The following GRM8 variants were observed in gnomAD, a reference collection of about 807,000 sequenced individuals.
GRM8 encodes the protein glutamate metabotropic receptor 8, also known as metabotropic glutamate receptor 8.
In GRM8, 47 loss-of-function variants were observed where a neutral mutation model predicts 87.2. The ratio of observed to expected loss-of-function variants is 0.54; its 90% CI spans 0.43 to 0.69. The LOEUF (loss-of-function observed/expected upper bound fraction) is 0.69, where lower values mean the gene tolerates loss of function less well. Ranked by LOEUF, GRM8 falls within the 30% of genes least tolerant of loss-of-function variation. GRM8 has a pLI of 0.00. For missense variants in GRM8, 1,019 were observed against 1,139.2 expected (o/e 0.89, Z 1.52); for synonymous variants, 396 against 404.5 (o/e 0.98, Z 0.25).
chr7:126,619,791 A>C (rs2151136227), intron 7 of GRM8, among the ~76,000 whole-genome samples: 1 of 152,164 alleles, frequency 6.6e-6, no homozygotes, highest in East Asian at 1.9e-4. Flanking sequence ...CCTAGGATCG[A>C]GGGATCCTCC....
intron 3 of GRM8, among the ~76,000 whole-genome samples, chr7:127,010,034 G>T (rs2132101198): frequency 6.6e-6 from 1 of 151,928 alleles, no homozygotes; most frequent in Admixed American, 6.6e-5. Context: ...GTAGTGTCAG[G>T]GTTTCACCAT....
chr7:126,727,406 C>A (rs1390369577), intron 7 of GRM8, among the ~76,000 whole-genome samples: 1 of 151,932 alleles, frequency 6.6e-6, no homozygotes, highest in African/African-American at 2.4e-5. Flanking sequence ...TAGTATATGA[C>A]TACATGGGAA....
intron 3 of GRM8, among the ~76,000 whole-genome samples, chr7:127,057,569 T>C (rs1474564402): frequency 6.6e-6 from 1 of 152,150 alleles, no homozygotes; most frequent in African/African-American, 2.4e-5. Context: ...GTAAAACATA[T>C]TTGAAAATCA....
chr7:126,905,103 T>C (rs1366859036), intron 3 of GRM8, among the ~76,000 whole-genome samples: 5 of 152,218 alleles, frequency 3.3e-5, no homozygotes, highest in Admixed American at 2.6e-4. Flanking sequence ...GTTACTTTTA[T>C]TTACTGGTAG....
Position 126,678,067 on chromosome 7 carries a change from A to G in GRM8, c.1358-68569T>C, listed in dbSNP as rs1010358316. ...GGTGTTCGCTTAGTGCAGATCAATTAAGCTTTAAATCAATGTTTTGTTCAA... is the reference window on the plus strand; with the variant it reads ...GGTGTTCGCTTAGTGCAGATCAATTGAGCTTTAAATCAATGTTTTGTTCAA... On this transcript the variant is annotated intron_variant, in intron 7 of 10. Coordinates refer to ENST00000339582, the MANE Select transcript of GRM8 (RefSeq NM_000845.3). Among the ~76,000 whole-genome samples, 4 of 152,318 alleles carry G rather than the reference A, an allele frequency of 2.6e-5. No individual in the cohort carries two copies. The East Asian group carries it at 5.8e-4, about 22-fold the overall frequency.
chr7:126,686,976 T>C (rs1409590607), intron 7 of GRM8, among the ~76,000 whole-genome samples: 1 of 152,264 alleles, frequency 6.6e-6, no homozygotes, highest in Non-Finnish European at 1.5e-5. Flanking sequence ...TCCAGTAGCT[T>C]GCGTCTACCA....
intron 7 of GRM8, among the ~76,000 whole-genome samples, chr7:126,643,221 G>A (rs1331274556): frequency 2.8e-5 from 4 of 145,172 alleles, no homozygotes; most frequent in Non-Finnish European, 4.5e-5. Flanking sequence ...GCCCCATGGG[G>A]CAGAAGTTTC....
intron 9 of GRM8, among the ~76,000 whole-genome samples, chr7:126,448,118 A>G (rs1332732306): frequency 2.0e-5 from 3 of 151,916 alleles, no homozygotes; most frequent in African/African-American, 7.2e-5. Flanking sequence ...CCTACATAGA[A>G]AATTGACTGC....
intron 3 of GRM8, among the ~76,000 whole-genome samples, chr7:126,909,331 C>CA (rs1462464152): frequency 6.6e-6 from 1 of 151,906 alleles, no homozygotes; most frequent in African/African-American, 2.4e-5. Context: ...GTTTTCCATA[C>CA]AATACTCCAC....
chr7:126,679,349 G>A (rs1807305083), intron 7 of GRM8, among the ~76,000 whole-genome samples: 1 of 152,122 alleles, frequency 6.6e-6, no homozygotes, highest in African/African-American at 2.4e-5. Context: ...ATAATTAAAA[G>A]CTAGAATTTC....
chr7:126,673,699 A>G (rs1239067825), intron 7 of GRM8, among the ~76,000 whole-genome samples: 1 of 152,210 alleles, frequency 6.6e-6, no homozygotes, highest in Non-Finnish European at 1.5e-5. Flanking sequence ...AATAACTGAT[A>G]ACTTTTTAGT....
intron 6 of GRM8, among the ~76,000 whole-genome samples, chr7:126,892,041 A>AAG (rs902475908): frequency 6.6e-6 from 1 of 150,986 alleles, no homozygotes; most frequent in Non-Finnish European, 1.5e-5. Flanking sequence ...AAAAAAAAAA[A>AAG]AACCCTAATA....
intron 3 of GRM8, among the ~76,000 whole-genome samples, chr7:127,025,454 T>A (rs1816688315): frequency 6.6e-6 from 1 of 152,106 alleles, no homozygotes. Context: ...TCCTTTTCCT[T>A]GCCAAAGTGC....
chr7:127,145,437 A>C (rs1183588215), intron 2 of GRM8, among the ~76,000 whole-genome samples: 3 of 152,138 alleles, frequency 2.0e-5, no homozygotes, highest in African/African-American at 7.2e-5. Flanking sequence ...AAAGTATTTA[A>C]TGTCTTTCTA....
chr7:126,811,377 T>C (rs1309733305), intron 6 of GRM8, among the ~76,000 whole-genome samples: 3 of 152,060 alleles, frequency 2.0e-5, no homozygotes, highest in East Asian at 3.9e-4. Flanking sequence ...ATACAGGTTT[T>C]AGGATTTTTT....
chr7:126,733,011 T>C (rs1813780774), intron 7 of GRM8, among the ~76,000 whole-genome samples: 2 of 152,236 alleles, frequency 1.3e-5, no homozygotes, highest in Middle Eastern at 3.4e-3. Context: ...GTCTGCAATT[T>C]TTTTTTTAAG....
intron 2 of GRM8, among the ~76,000 whole-genome samples, chr7:127,224,658 C>T (rs1440936115): frequency 6.6e-6 from 1 of 152,166 alleles, no homozygotes; most frequent in Non-Finnish European, 1.5e-5. Context: ...TGCTTCTCCT[C>T]TTGAGTTTTC....
chr7:126,444,533 CTTT>C (rs1801800666), intron 10 of GRM8, among the ~76,000 whole-genome samples: 2 of 152,128 alleles, frequency 1.3e-5, no homozygotes, highest in Admixed American at 1.3e-4. Flanking sequence ...CGAAGATAAT[CTTT>C]TTAGAACCAA....
intron 8 of GRM8, among the ~76,000 whole-genome samples, chr7:126,561,960 T>C (rs78937471): frequency 0.022 from 3,381 of 152,166 alleles, 119 homozygotes; most frequent in African/African-American, 0.078. Context: ...GAAACCATTT[T>C]ATTTATTTAA....
Sources: gnomAD v4.1 joint callset for allele counts (sites outside exome capture counted in the v4.1 genomes callset) on GRCh38, gnomAD v4.1.1 for gene constraint, MANE v1.5 for transcripts, NCBI Gene and HGNC (gene_info 2026-07-23, HGNC 2026-07-21) for gene names.